SPATA6L: variants seen among roughly 807,000 people sequenced by gnomAD.
SPATA6L encodes the protein spermatogenesis associated 6-like protein.
SPATA6L carries 68 observed loss-of-function variants against 49.2 expected under a neutral mutation model. That is an observed-to-expected ratio of 1.38 (90% CI 1.14 to 1.69). SPATA6L has a LOEUF of 1.69. Among genes scored for constraint, SPATA6L ranks in the 40% most tolerant of loss-of-function variants. The pLI is 0.00. For synonymous variants in SPATA6L, 198 were observed against 165.7 expected, an observed-to-expected ratio of 1.19 and a Z score of -1.50; for missense variants, 668 against 464.3, an observed-to-expected ratio of 1.44 and a Z score of -4.03.
At chr9:4,605,562 T>A in intron 9 of SPATA6L, 122 bp from the exon 10 acceptor site, 1 of 648,636 alleles carries the variant, frequency 1.5e-6, no homozygotes, top group Non-Finnish European at 2.7e-6. Context: ...GCATGCAAAA[T>A]GGTAAACATA....
intron 7 of SPATA6L, among the ~76,000 whole-genome samples, chr9:4,621,930 G>T (rs1829400998): frequency 6.6e-6 from 1 of 152,182 alleles, no homozygotes; most frequent in Non-Finnish European, 1.5e-5. Flanking sequence ...AAAGGTTTAA[G>T]AACACTTTGC....
At chr9:4,645,953 T>C in intron 3 of SPATA6L, among the ~76,000 whole-genome samples, 1 of 152,214 alleles carries the variant, frequency 6.6e-6, no homozygotes, top group East Asian at 1.9e-4. Context: ...ACCAACTGAA[T>C]TGTACATTTG....
intron 7 of SPATA6L, among the ~76,000 whole-genome samples, chr9:4,620,789 A>C (rs948550887): frequency 6.6e-6 from 1 of 152,232 alleles, no homozygotes; most frequent in African/African-American, 2.4e-5. Context: ...TGTGAGTCCC[A>C]TCGTAATAGA....
intron 3 of SPATA6L, among the ~76,000 whole-genome samples, chr9:4,650,337 C>T (rs1337535160): frequency 6.6e-6 from 1 of 152,152 alleles, no homozygotes; most frequent in Non-Finnish European, 1.5e-5. Context: ...ATCTCAGTTG[C>T]AAATTTCATA....
At chr9:4,646,335 G>C (rs557496711) in intron 3 of SPATA6L, 2 of 428,600 alleles carry the variant, frequency 4.7e-6, no homozygotes, top group African/African-American at 4.1e-5. Flanking sequence ...TAGATTGGCA[G>C]AAAAAAGGCA....
intron 5 of SPATA6L, chr9:4,628,472 G>T (rs1295504905): frequency 6.6e-6 from 1 of 151,836 alleles, no homozygotes; most frequent in Admixed American, 6.6e-5. Context: ...CTGAGATGGA[G>T]TCTCACTCTT....
downstream of SPATA6L, among the ~76,000 whole-genome samples, chr9:4,593,400 C>A (rs903192870): frequency 6.6e-6 from 1 of 152,034 alleles, no homozygotes; most frequent in Admixed American, 6.6e-5. Context: ...ATCATTGTAT[C>A]CCTCCCTTAT....
chr9:4,644,685 TCA>T (rs59433051), intron 3 of SPATA6L, among the ~76,000 whole-genome samples: 3,868 of 107,500 alleles, frequency 0.036, 69 homozygotes, highest in African/African-American at 0.071. Context: ...TCTCTCTCTC[TCA>T]CACACACACA....
chr9:4,648,015 A>G (rs369733614), intron 3 of SPATA6L, among the ~76,000 whole-genome samples: 53 of 152,090 alleles, frequency 3.5e-4, no homozygotes, highest in African/African-American at 1.3e-3. Context: ...TTGTATTTTT[A>G]GTTGAGATGG....
In SPATA6L at chr9:4,649,169, G is replaced by T. The variant is rs12237319; in HGVS notation, c.226+6872C>A. On this transcript the variant is annotated intron_variant, in intron 3 of 11. Transcript: ENST00000682582. ...TTCCACATTTTTGCAATTGCAAATT[G>T]TGCTGCATAAACATGCGTGTGTAAG... 5.3e-5 allele frequency among the ~76,000 whole-genome samples: 8 copies of T among 152,204 alleles called. No individual in the cohort carries two copies. The East Asian group carries it at 1.5e-3, about 29-fold the overall frequency.
chr9:4,592,369 C>T (rs1175436331), intron 13 of SPATA6L, among the ~76,000 whole-genome samples: 4 of 151,484 alleles, frequency 2.6e-5, no homozygotes, highest in South Asian at 2.1e-4. Context: ...ACTCAGCAGA[C>T]GTTGGCATTG....
intron 13 of SPATA6L, among the ~76,000 whole-genome samples, chr9:4,590,292 G>C (rs1240120672): frequency 6.6e-6 from 1 of 152,170 alleles, no homozygotes; most frequent in Non-Finnish European, 1.5e-5. Context: ...TATCCATCAA[G>C]GATGGAAATG....
intron 3 of SPATA6L, among the ~76,000 whole-genome samples, chr9:4,651,267 T>C (rs1193807594): frequency 6.6e-6 from 1 of 151,966 alleles, no homozygotes; most frequent in Non-Finnish European, 1.5e-5. Context: ...ATAAATGAAA[T>C]GGAAAAACTC....
intron 1 of SPATA6L, chr9:4,663,442 A>T: frequency 1.5e-6 from 1 of 661,278 alleles, no homozygotes; most frequent in Non-Finnish European, 2.6e-6. Flanking sequence ...CCATTACTGA[A>T]CACAGCCATA....
intron 9 of SPATA6L, among the ~76,000 whole-genome samples, chr9:4,609,340 C>T (rs1018096659): frequency 6.6e-6 from 1 of 151,872 alleles, no homozygotes; most frequent in Non-Finnish European, 1.5e-5. Flanking sequence ...AGAGACACAA[C>T]CAAAAAAGAG....
chr9:4,593,652 T>G (rs1191474767), downstream of SPATA6L, among the ~76,000 whole-genome samples: 1 of 152,220 alleles, frequency 6.6e-6, no homozygotes, highest in African/African-American at 2.4e-5. Context: ...AGGTCATCAG[T>G]GCCCTGCTCA....
chr9:4,635,088 C>T (rs961661719), intron 4 of SPATA6L, among the ~76,000 whole-genome samples, 187 bp downstream of exon 4: 2 of 152,192 alleles, frequency 1.3e-5, no homozygotes, highest in African/African-American at 2.4e-5. Flanking sequence ...GATAAAACTT[C>T]CACCTCTCAG....
rs781058126 is a variant in SPATA6L at position 4,629,175 on chromosome 9, A to C, written c.352-7T>G. ...CTATTTTGGGAGCAATGCCCTATAA[A>C]ACAGCATAAAAAAAGCAAATAAAAT... On this transcript the variant is annotated splice_polypyrimidine_tract_variant and splice_region_variant and intron_variant, in intron 4 of 11. Transcript: ENST00000682582. 3.2e-6 allele frequency: 5 copies of C among 1,587,282 alleles called. No homozygotes were observed. The highest frequency in any genetic ancestry group is 4.3e-6 in the Non-Finnish European group (5 of 1,167,982).
intron 3 of SPATA6L, among the ~76,000 whole-genome samples, chr9:4,644,789 G>A (rs545922563): frequency 4.6e-4 from 70 of 152,052 alleles, no homozygotes; most frequent in African/African-American, 1.4e-3. Context: ...GAGAATTGGT[G>A]CCACTGGGTG....
Sources: allele counts gnomAD v4.1 joint callset (sites outside exome capture counted in the v4.1 genomes callset), GRCh38; gene constraint gnomAD v4.1.1; transcripts MANE v1.5; gene names NCBI Gene and HGNC (gene_info 2026-07-23, HGNC 2026-07-21).